KSR2: variants seen among roughly 807,000 people sequenced by gnomAD.
The protein encoded by KSR2 is kinase suppressor of ras 2.
KSR2 carries 25 observed loss-of-function variants against 107.8 expected under a neutral mutation model. The ratio of observed to expected loss-of-function variants is 0.23; its 90% CI spans 0.17 to 0.32. The LOEUF is 0.32. Ranked by LOEUF, KSR2 falls within the 10% of genes least tolerant of loss-of-function variation. KSR2 has a pLI of 1.00. For synonymous variants in KSR2, 480 were observed against 507.0 expected (o/e 0.95, Z 0.71); for missense variants, 887 against 1,268.9 (o/e 0.70, Z 4.57).
intron 7 of KSR2, among the ~76,000 whole-genome samples, chr12:117,576,695 G>T (rs577147406): frequency 2.4e-4 from 36 of 151,722 alleles, no homozygotes; most frequent in Admixed American, 9.8e-4. Context: ...GTAGAGATAG[G>T]GTCTAGTTCT....
rs1024498492 is a variant in KSR2, at chr12:117,717,731, G to A, written c.986+43280C>T. Among the ~76,000 whole-genome samples the A allele has an allele frequency of 9.9e-5, 15 of 151,542 alleles. No homozygotes were observed. The East Asian group carries it at 2.9e-3, about 30-fold the overall frequency. ...TGTGTGTGCATGCGCGCGCGTGCAT[G>A]CACGTGTGCCTGTCCTAATCAGCTT... On this transcript the variant is annotated intron_variant, in intron 4 of 19. Transcript: ENST00000339824.
chr12:117,932,646 C>A (rs112020379), intron 1 of KSR2, among the ~76,000 whole-genome samples: 2,041 of 152,020 alleles, frequency 0.013, 33 homozygotes, highest in African/African-American at 0.047. Flanking sequence ...AACCTGAGCC[C>A]AGGAGGTCGA....
intron 7 of KSR2, among the ~76,000 whole-genome samples, chr12:117,574,200 T>C (rs1047116324): frequency 1.3e-5 from 2 of 151,922 alleles, no homozygotes; most frequent in African/African-American, 4.8e-5. Context: ...ACTGTTTTTT[T>C]TTTTCTTTTT....
In KSR2 at chr12:117,854,642, T is replaced by G. The variant is rs80232143; in HGVS notation, c.472+786A>C. On this transcript the variant is annotated intron_variant, in intron 3 of 19. Coordinates refer to ENST00000339824, the MANE Select transcript of KSR2 (RefSeq NM_173598.6). ...AACCGTGCTGATGGCCACTAACACTTCTCCGTGGCTGGCATGTGCAGAGCG... is the reference window on the plus strand; with the variant it reads ...AACCGTGCTGATGGCCACTAACACTGCTCCGTGGCTGGCATGTGCAGAGCG... 3.5e-3 allele frequency among the ~76,000 whole-genome samples: 529 copies of G among 152,204 alleles called. 2 individuals carry two copies. The highest frequency in any genetic ancestry group is 0.012 in the African/African-American group (501 of 41,512).
chr12:117,888,986 C>T (rs1228873659), intron 1 of KSR2, among the ~76,000 whole-genome samples: 5 of 152,244 alleles, frequency 3.3e-5, no homozygotes, highest in Admixed American at 2.0e-4. Flanking sequence ...CATTATGTTA[C>T]GTATAATTTA....
chr12:117,867,679 C>T (rs1893519776), intron 1 of KSR2, among the ~76,000 whole-genome samples: 1 of 152,312 alleles, frequency 6.6e-6, no homozygotes, highest in African/African-American at 2.4e-5. Context: ...TTTTCCCAGA[C>T]GTCCCAGCCA....
intron 16 of KSR2, 120 bp from the exon 17 acceptor site, chr12:117,476,715 CACTG>C: frequency 3.7e-6 from 4 of 1,070,724 alleles, no homozygotes; most frequent in Non-Finnish European, 5.1e-6. Flanking sequence ...CCACATTGAG[CACTG>C]CCTGACCACC....
chr12:117,498,718 T>C (rs574942435), intron 14 of KSR2, among the ~76,000 whole-genome samples: 1 of 152,262 alleles, frequency 6.6e-6, no homozygotes, highest in South Asian at 2.1e-4. Context: ...GGGACAGGCC[T>C]TTCCTGTGCC....
intron 3 of KSR2, among the ~76,000 whole-genome samples, chr12:117,795,354 G>A (rs1890585040): frequency 6.6e-6 from 1 of 152,134 alleles, no homozygotes; most frequent in African/African-American, 2.4e-5. Context: ...CCTCCTCCTG[G>A]CAGATACTAC....
Position 117,676,647 on chromosome 12 carries a change from G to A in KSR2, c.987-8989C>T, listed in dbSNP as rs536712666. On this transcript the variant is annotated intron_variant, in intron 4 of 19. Coordinates refer to ENST00000339824, the MANE Select transcript of KSR2 (RefSeq NM_173598.6). ...CCAAATGGCTAAAAATAGACTGGCA[G>A]TTACAAATATTGGCAAAGATATAAG... 2.6e-5 allele frequency among the ~76,000 whole-genome samples: 4 copies of A among 152,284 alleles called. No homozygotes were observed. The South Asian group carries it at 8.3e-4, about 32-fold the overall frequency.
At chr12:117,904,047 T>G (rs1894767901) in intron 1 of KSR2, among the ~76,000 whole-genome samples, 1 of 151,996 alleles carries the variant, frequency 6.6e-6, no homozygotes, top group Non-Finnish European at 1.5e-5. Context: ...CAAAAAAGAT[T>G]CCGTGATATC....
chr12:117,715,813 T>C (rs1886957091), intron 4 of KSR2, among the ~76,000 whole-genome samples: 3 of 152,210 alleles, frequency 2.0e-5, no homozygotes, highest in African/African-American at 7.2e-5. Flanking sequence ...CAACATGCCA[T>C]ATATCTGGTA....
chr12:117,941,921 G>A (rs571768073), intron 1 of KSR2, among the ~76,000 whole-genome samples: 2 of 151,812 alleles, frequency 1.3e-5, no homozygotes, highest in Non-Finnish European at 1.5e-5. Flanking sequence ...GGGATTACAG[G>A]CGTGAGCCAC....
At chr12:117,567,065 C>T (rs1239310532) in intron 7 of KSR2, among the ~76,000 whole-genome samples, 3 of 152,188 alleles carry the variant, frequency 2.0e-5, no homozygotes, top group Admixed American at 1.3e-4. Context: ...AACAGTGAAC[C>T]GTCCAGAAAT....
chr12:117,497,164 C>A (rs570946555), intron 14 of KSR2, among the ~76,000 whole-genome samples: 1 of 152,242 alleles, frequency 6.6e-6, no homozygotes, highest in African/African-American at 2.4e-5. Context: ...AGGCATGAGC[C>A]ACTGTGCCAG....
intron 4 of KSR2, among the ~76,000 whole-genome samples, chr12:117,730,500 CCCT>C (rs1565983226): frequency 6.6e-5 from 10 of 151,460 alleles, no homozygotes; most frequent in African/African-American, 1.9e-4. Flanking sequence ...CTCCCTCTCC[CCCT>C]TCCACGGTCT....
chr12:117,767,703 T>C (rs1889289764), intron 3 of KSR2, among the ~76,000 whole-genome samples: 1 of 143,454 alleles, frequency 7.0e-6, no homozygotes, highest in Admixed American at 7.4e-5. Flanking sequence ...GAGAACGGCG[T>C]GAACCCGGGA....
intron 9 of KSR2, among the ~76,000 whole-genome samples, chr12:117,548,580 A>T (rs1192959045): frequency 2.0e-5 from 3 of 152,068 alleles, no homozygotes; most frequent in Non-Finnish European, 4.4e-5. Flanking sequence ...ATTAGTAGTT[A>T]AGTTTTGGGG....
chr12:117,546,018 T>A (rs1487507349), intron 9 of KSR2, among the ~76,000 whole-genome samples: 1 of 152,192 alleles, frequency 6.6e-6, no homozygotes, highest in African/African-American at 2.4e-5. Context: ...ATTTGGAAAA[T>A]TAAGAGGAGA....
Sources: allele counts gnomAD v4.1 joint callset (sites outside exome capture counted in the v4.1 genomes callset), GRCh38; gene constraint gnomAD v4.1.1; transcripts MANE v1.5; gene names NCBI Gene and HGNC (gene_info 2026-07-23, HGNC 2026-07-21).